E2F8: variants seen among roughly 807,000 people sequenced by gnomAD.
E2F8 encodes E2F transcription factor 8.
A neutral mutation model predicts 80.8 loss-of-function variants in E2F8; 35 were observed. The ratio of observed to expected loss-of-function variants is 0.43; its 90% CI spans 0.33 to 0.57. The LOEUF is 0.57. Among genes scored for constraint, E2F8 ranks in the 20% least tolerant of loss-of-function variants. E2F8 has a pLI of 0.04. For synonymous variants in E2F8, 386 were observed against 395.0 expected (o/e 0.98, Z 0.27); for missense variants, 975 against 1,056.2 (o/e 0.92, Z 1.07).
chr11:19,229,433 G>A lies in E2F8; in HGVS notation c.1893+21C>T. 6.3e-7 allele frequency: 1 copy of A among 1,585,618 alleles called. No homozygotes were observed. Among genetic ancestry groups the A allele is most frequent in the Non-Finnish European group, 8.6e-7 (1 of 1,167,912 alleles). On this transcript the variant is annotated intron_variant, in intron 10 of 12. Transcript: ENST00000250024. This position sits in a 1 kb window ranked among gnomAD's most constrained non-coding sequence, Gnocchi z 4.3. ...GACTAGGGAATTCCTAAAGCTTTGT[G>A]CAGTTCAAGGCTGTACTTACTGCGG... is the stretch of plus-strand genomic sequence containing the variant.
At chr11:19,230,881 G>T in intron 7 of E2F8, 47 bp from the exon 8 acceptor site, 2 of 1,569,260 alleles carry the variant, frequency 1.3e-6, no homozygotes, top group Non-Finnish European at 1.7e-6. Context: ...GGCTCAGTTG[G>T]CTTTTGGGAT....
In E2F8 at chr11:19,224,647, A is replaced by C. The variant is rs778802223; in HGVS notation, c.*11T>G. On this transcript the variant is annotated 3_prime_UTR_variant, in exon 13 of 13. Transcript: ENST00000250024. ...CTCTTTAGAAAATTAAACTAAGCCA[A>C]CATCTGTTGATTAATGGACATCCTC... 1 of 1,611,894 alleles carries C rather than the reference A, an allele frequency of 6.2e-7. No homozygotes were observed. Among genetic ancestry groups the C allele is most frequent in the East Asian group, 2.2e-5 (1 of 44,834 alleles).
intron 7 of E2F8, among the ~76,000 whole-genome samples, chr11:19,231,543 T>G (rs1442216380): frequency 6.6e-6 from 1 of 152,214 alleles, no homozygotes; most frequent in African/African-American, 2.4e-5. Context: ...CTTGTCATTT[T>G]CAATGATTCT....
intron 2 of E2F8, among the ~76,000 whole-genome samples, chr11:19,239,719 C>G (rs1465984724): frequency 6.6e-6 from 1 of 150,586 alleles, no homozygotes; most frequent in Non-Finnish European, 1.5e-5. Flanking sequence ...CCTTTACACT[C>G]TTTCTAGTTT....
At position 19,234,481 on chromosome 11, in the gene E2F8, C is replaced by T. The variant is rs769927673; in HGVS notation, c.807G>A (p.Met269Ile). 6.2e-7 allele frequency: 1 copy of T among 1,614,168 alleles called. No homozygotes were observed. The highest frequency in any genetic ancestry group is 8.5e-7 in the Non-Finnish European group (1 of 1,180,022). ...NSRKDKSLRV[M>I]SQKFVMLFLV... ...AAAACAGCATCACAAATTTCTGGCTCATTACCCTTAAAGACTTGTCTTTGC... is the reference window on the plus strand; with the variant it reads ...AAAACAGCATCACAAATTTCTGGCTTATTACCCTTAAAGACTTGTCTTTGC... Residue 269 changes from methionine (M) to isoleucine (I), a missense_variant, in exon 6 of 13, where the codon ATG (methionine) becomes ATA (isoleucine). Coordinates refer to ENST00000250024, the MANE Select transcript of E2F8 (RefSeq NM_024680.4).
intron 2 of E2F8, 37 bp from the exon 3 acceptor site, chr11:19,238,169 A>G: frequency 6.4e-7 from 1 of 1,568,574 alleles, no homozygotes; most frequent in Non-Finnish European, 8.6e-7. Context: ...ATCCATGGTA[A>G]AACAGGATTT....
chr11:19,239,021 C>T (rs1401176860), intron 2 of E2F8, among the ~76,000 whole-genome samples: 1 of 152,168 alleles, frequency 6.6e-6, no homozygotes, highest in African/African-American at 2.4e-5. Flanking sequence ...CAGTTTTGGA[C>T]ACCAGGGACT....
chr11:19,227,894 G>C (rs986109534), intron 10 of E2F8, among the ~76,000 whole-genome samples: 37 of 152,096 alleles, frequency 2.4e-4, no homozygotes, highest in African/African-American at 8.0e-4. Context: ...TCGAGACCAG[G>C]CTGAGCAACA....
Position 19,234,725 on chromosome 11 carries a change from T to C in E2F8, c.766+19A>G. The C allele has an allele frequency of 6.3e-7, 1 of 1,595,494 alleles. No homozygotes were observed. The highest frequency in any genetic ancestry group is 8.5e-7 in the Non-Finnish European group (1 of 1,170,594). On this transcript the variant is annotated intron_variant, in intron 5 of 12. Coordinates refer to ENST00000250024, the MANE Select transcript of E2F8 (RefSeq NM_024680.4). ...GGACAAATGCCATGCCGCCTGGAGT[T>C]TTCACTACCATCTCTCACCTGCCCG...
intron 4 of E2F8, among the ~76,000 whole-genome samples, chr11:19,235,517 C>T (rs1011054410): frequency 6.6e-6 from 1 of 152,058 alleles, no homozygotes; most frequent in Non-Finnish European, 1.5e-5. Flanking sequence ...GGTGTGGTGG[C>T]GGGTGCCTGT....
Position 19,232,321 on chromosome 11 carries a change from G to T in E2F8, c.979C>A (p.Leu327Ile), listed in dbSNP as rs1244795691. 6.2e-7 allele frequency: 1 copy of T among 1,614,076 alleles called. No homozygotes were observed. Residue 327 changes from leucine (L) to isoleucine (I), a missense_variant, in exon 7 of 13, where the codon CTT becomes ATT. Physicochemically the swap from Leu to Ile is conservative, Grantham distance 5. Transcript: ENST00000250024. Reference protein sequence around the residue: ...DIANVLSSLDLIKKVHVTEER... With the variant: ...DIANVLSSLDIIKKVHVTEER... ...TCTGTAACATGAACTTTCTTGATAA[G>T]ATCCAGGCTACTCAGAACATTAGCT...
In E2F8 at chr11:19,230,806, G is replaced by A. The variant is rs149364014; in HGVS notation, c.1095C>T (p.Pro365=). 3 of 1,614,156 alleles carry A rather than the reference G, an allele frequency of 1.9e-6. No individual in the cohort carries two copies. The highest frequency in any genetic ancestry group is 2.5e-6 in the Non-Finnish European group (3 of 1,180,020). The part of the protein sequence containing the change: ...SGSSPVIHFT[P]SDLEVRRSSK... ...AAGACCGTCTCACCTCCAAATCAGA[G>A]GGAGTAAAATGAATGACTGGGCTGG... The change falls in exon 8 of 13, where the codon CCC becomes CCT. Residue 365 remains proline, a synonymous_variant. Transcript: ENST00000250024.
rs1200651394 is a variant in E2F8 at position 19,224,738 on chromosome 11, C to G, written c.2524G>C (p.Glu842Gln). ...CCTAAGGAGGTTTTATTAGCACCCT[C>G]AAAATCCATGCAGGATGAGCTGGTT... ...KPTSSSCMDF[E>Q]GANKTSLGTL... Residue 842 changes from glutamate (E) to glutamine (Q), a missense_variant, in exon 13 of 13, where the codon GAG (glutamate) becomes CAG (glutamine). Glu to Gln is a conservative substitution (Grantham distance 29, BLOSUM62 2). Transcript: ENST00000250024. The G allele has an allele frequency of 6.2e-7, 1 of 1,614,194 alleles. No individual in the cohort carries two copies. The highest frequency in any genetic ancestry group is 2.2e-5 in the East Asian group (1 of 44,888).
At chr11:19,237,782 C>T (rs1851558559) in intron 3 of E2F8, 72 bp downstream of exon 3, 2 of 1,535,654 alleles carry the variant, frequency 1.3e-6, no homozygotes, top group East Asian at 2.3e-5. Flanking sequence ...GCTGGCACTT[C>T]TCTAATAGCT....
rs774809310 is a variant in E2F8, at chr11:19,230,766, C to G, written c.1135G>C (p.Ala379Pro). Residue 379 changes from alanine to proline, a missense_variant, in exon 8 of 13, where the codon GCC (alanine) becomes CCC (proline). Ala to Pro is a conservative substitution (Grantham distance 27). Coordinates refer to ENST00000250024, the MANE Select transcript of E2F8 (RefSeq NM_024680.4). ...EVRRSSKENCAKNLFSTRGKP... is the reference protein window; with the variant it reads ...EVRRSSKENCPKNLFSTRGKP... ...CCACGTGTGGAAAAGAGGTTTTTGGCACAGTTCTCTTTTGAAGACCGTCTC... is the reference window on the plus strand; with the variant it reads ...CCACGTGTGGAAAAGAGGTTTTTGGGACAGTTCTCTTTTGAAGACCGTCTC... The G allele has an allele frequency of 6.2e-7, 1 of 1,614,168 alleles. No homozygotes were observed. Among genetic ancestry groups the G allele is most frequent in the South Asian group, 1.1e-5 (1 of 91,080 alleles).
At position 19,232,285 on chromosome 11, in the gene E2F8, G is replaced by A. The variant is rs751453610; in HGVS notation, c.1015C>T (p.Arg339Ter). 5 of 1,614,070 alleles carry A rather than the reference G, an allele frequency of 3.1e-6. No individual in the cohort carries two copies. The highest frequency in any genetic ancestry group is 1.1e-5 in the South Asian group (1 of 91,074). Residue 339 changes from arginine (R) to a stop codon, truncating the protein, a stop_gained, in exon 7 of 13, where the codon CGA becomes TGA. Transcript: ENST00000250024. LOFTEE classifies it high-confidence loss of function. Reference protein sequence around the residue: ...KKVHVTEERGRKPAFKWTGPE... With the variant: ...KKVHVTEERG ...CCGGTCCATTTGAAAGCTGGTTTTC[G>A]GCCTCTTTCCTCTGTAACATGAACT...
At chr11:19,237,715 C>A (rs924691734) in intron 3 of E2F8, 139 bp downstream of exon 3, 28 of 1,227,092 alleles carry the variant, frequency 2.3e-5, no homozygotes, top group African/African-American at 3.0e-5. Context: ...GGGTCCAAAC[C>A]TTTCTGGTGC....
At position 19,224,381 on chromosome 11, in the gene E2F8, T is replaced by C. The variant is rs1357566648; in HGVS notation, c.*277A>G. On this transcript the variant is annotated 3_prime_UTR_variant, in exon 13 of 13. Coordinates refer to ENST00000250024, the MANE Select transcript of E2F8 (RefSeq NM_024680.4). ...TAGGCATAGCTAAAATAATGGATTT[T>C]TCCCCCTAGAAGTTAATATATCTTA... The C allele has an allele frequency of 7.2e-6, 2 of 278,692 alleles. No individual in the cohort carries two copies. Among genetic ancestry groups the C allele is most frequent in the Non-Finnish European group, 1.3e-5 (2 of 149,280 alleles). 17.3% of individuals were successfully genotyped at this position (278,692 alleles called of 1,614,324 possible). A position where few individuals can be genotyped will look rare whatever the true frequency, so the allele number is the denominator to read the frequency against.
intron 3 of E2F8, 97 bp from the exon 4 acceptor site, chr11:19,237,567 C>G: frequency 7.6e-7 from 1 of 1,322,046 alleles, no homozygotes; most frequent in Non-Finnish European, 1.0e-6. Context: ...AACTTACACA[C>G]GCTTAGCTTC....
Sources: allele counts gnomAD v4.1 joint callset (sites outside exome capture counted in the v4.1 genomes callset), GRCh38; gene constraint gnomAD v4.1.1; non-coding constraint Gnocchi (gnomAD v3.1); transcripts MANE v1.5; gene names NCBI Gene and HGNC (gene_info 2026-07-23, HGNC 2026-07-21).